ACTR3B: variants seen among roughly 807,000 people sequenced by gnomAD.
ACTR3B encodes the protein actin related protein 3B, also known as actin-related protein 3B.
A neutral mutation model predicts 59.0 loss-of-function variants in ACTR3B; 8 were observed. The observed-to-expected ratio is 0.14, with a 90% CI of 0.08 to 0.24. The LOEUF is 0.24. Ranked by LOEUF, ACTR3B falls within the 10% of genes least tolerant of loss-of-function variation. ACTR3B has a pLI of 1.00. For synonymous variants in ACTR3B, 148 were observed against 197.9 expected (o/e 0.75, Z 2.12); for missense variants, 245 against 552.3 (o/e 0.44, Z 5.58).
chr7:152,812,033 T>TC (rs1459126987), intron 4 of ACTR3B: 12 of 53,446 alleles, frequency 2.2e-4, no homozygotes, highest in African/African-American at 6.1e-4. Flanking sequence ...TTTTTTTTTT[T>TC]TTTTTTTTTT....
At chr7:152,799,810 T>C (rs1469452924) in intron 2 of ACTR3B, among the ~76,000 whole-genome samples, 5 of 152,230 alleles carry the variant, frequency 3.3e-5, no homozygotes, top group African/African-American at 1.2e-4. Flanking sequence ...GAAATTTCAA[T>C]GGAAAATGGA....
chr7:152,783,547 G>T, intron 2 of ACTR3B, among the ~76,000 whole-genome samples: 1 of 151,352 alleles, frequency 6.6e-6, no homozygotes, highest in Non-Finnish European at 1.5e-5. Context: ...CATACAGTCT[G>T]TTAGCTTAGT....
chr7:152,787,203 T>G (rs2689466), intron 2 of ACTR3B, among the ~76,000 whole-genome samples: 1 of 152,194 alleles, frequency 6.6e-6, no homozygotes, highest in Non-Finnish European at 1.5e-5. Flanking sequence ...TTGTGTGACT[T>G]ACATTTTGGT....
intron 3 of ACTR3B, among the ~76,000 whole-genome samples, chr7:152,801,005 A>G (rs1399554484): frequency 2.0e-5 from 3 of 151,822 alleles, no homozygotes; most frequent in African/African-American, 7.3e-5. Context: ...ATTTAAGCAG[A>G]CTTTTTTTTT....
chr7:152,820,207 C>T lies in ACTR3B; in HGVS notation c.541-92C>T, dbSNP rs1796035771. On this transcript the variant is annotated intron_variant, in intron 6 of 11. Coordinates refer to ENST00000256001, the MANE Select transcript of ACTR3B (RefSeq NM_020445.6). ...GCTTGTCAGTGCCATGAGGGGCAGA[C>T]AGGGAGGCTGAGGCAGGAAACCTTG... 3 of 1,561,816 alleles carry T rather than the reference C, an allele frequency of 1.9e-6. No individual in the cohort carries two copies. The South Asian group carries it at 3.7e-5, about 19-fold the overall frequency.
At chr7:152,839,183 G>A (rs1176394845) in intron 9 of ACTR3B, among the ~76,000 whole-genome samples, 2 of 147,078 alleles carry the variant, frequency 1.4e-5, no homozygotes, top group Non-Finnish European at 1.5e-5. Flanking sequence ...ATACAAGGTG[G>A]GGTCCGAATT....
chr7:152,849,583 C>A (rs1195217925), intron 9 of ACTR3B, among the ~76,000 whole-genome samples: 1 of 152,190 alleles, frequency 6.6e-6, no homozygotes, highest in Non-Finnish European at 1.5e-5. Flanking sequence ...ACTCTTGGGC[C>A]ACACATAAAA....
chr7:152,831,772 G>A (rs969350360), intron 9 of ACTR3B, among the ~76,000 whole-genome samples: 2 of 152,306 alleles, frequency 1.3e-5, no homozygotes, highest in African/African-American at 4.8e-5. Flanking sequence ...TGGACCTCAT[G>A]TTTGAACATG....
At position 152,855,183 on chromosome 7, in the gene ACTR3B, T is replaced by C. The variant is rs955202355; in HGVS notation, c.*630T>C. On this transcript the variant is annotated 3_prime_UTR_variant, in exon 12 of 12. Transcript: ENST00000256001. ...TGTTTGCTAGAAAATGATTATACTT[T>C]ATTGGAGTGACATGAAGTTTGAACA... 7 of 152,714 alleles carry C rather than the reference T, an allele frequency of 4.6e-5. No homozygotes were observed. Among genetic ancestry groups the C allele is most frequent in the African/African-American group, 1.7e-4 (7 of 41,460 alleles). 9.5% of individuals were successfully genotyped at this position (152,714 alleles called of 1,614,324 possible).
At chr7:152,795,479 G>C (rs565831045) in intron 2 of ACTR3B, among the ~76,000 whole-genome samples, 1 of 152,250 alleles carries the variant, frequency 6.6e-6, no homozygotes, top group African/African-American at 2.4e-5. Context: ...TAAATTTCTA[G>C]CTAGCTTAAT....
At chr7:152,804,932 G>A (rs1362743358) in intron 4 of ACTR3B, among the ~76,000 whole-genome samples, 1 of 152,032 alleles carries the variant, frequency 6.6e-6, no homozygotes, top group Non-Finnish European at 1.5e-5. Context: ...AGGAGCCCGG[G>A]CAGACATTGT....
intron 5 of ACTR3B, among the ~76,000 whole-genome samples, chr7:152,815,819 G>A (rs1305809742): frequency 8.5e-5 from 13 of 152,170 alleles, no homozygotes; most frequent in African/African-American, 1.4e-4. Context: ...AACTCCACAA[G>A]TGACCTCATT....
intron 4 of ACTR3B, chr7:152,812,612 T>C (rs939574869): frequency 7.3e-6 from 1 of 137,862 alleles, no homozygotes; most frequent in Non-Finnish European, 1.6e-5. Context: ...TAATGTGTGG[T>C]TATCAGATCA....
chr7:152,824,656 A>G lies in ACTR3B; in HGVS notation c.859-374A>G, dbSNP rs1231987325. Among the ~76,000 whole-genome samples the G allele has an allele frequency of 6.6e-5, 10 of 152,196 alleles. No individual in the cohort carries two copies. On this transcript the variant is annotated intron_variant, in intron 8 of 11. Transcript: ENST00000256001. The surrounding 1 kb of genome is among the most constrained non-coding windows in gnomAD (Gnocchi z 4.2). ...TTCCTTATATACTAATTTTCTCATA[A>G]TACGAATATTGTCAAATGATATGTC...
intron 2 of ACTR3B, among the ~76,000 whole-genome samples, chr7:152,788,592 T>C (rs1036012867): frequency 7.9e-5 from 12 of 151,962 alleles, no homozygotes; most frequent in Non-Finnish European, 1.8e-4. Flanking sequence ...TTTGTATTTT[T>C]AGTAGGGACG....
At chr7:152,783,834 A>G (rs1478340995) in intron 2 of ACTR3B, among the ~76,000 whole-genome samples, 3 of 151,980 alleles carry the variant, frequency 2.0e-5, no homozygotes, top group Non-Finnish European at 2.9e-5. Context: ...TCACGCATGT[A>G]ATCGCAGCAC....
chr7:152,779,383 A>G (rs995536644), intron 1 of ACTR3B, among the ~76,000 whole-genome samples: 119 of 152,232 alleles, frequency 7.8e-4, no homozygotes, highest in Non-Finnish European at 1.2e-3. Context: ...AAGCCATGCT[A>G]CAACTGGAAA....
intron 6 of ACTR3B, among the ~76,000 whole-genome samples, chr7:152,819,653 A>G (rs1795995106): frequency 6.6e-6 from 1 of 152,062 alleles, no homozygotes; most frequent in Non-Finnish European, 1.5e-5. Context: ...ACATGCCTTC[A>G]CTGGCTTAGG....
intron 9 of ACTR3B, among the ~76,000 whole-genome samples, chr7:152,829,704 C>T (rs1431832998): frequency 6.6e-6 from 1 of 152,086 alleles, no homozygotes; most frequent in African/African-American, 2.4e-5. Flanking sequence ...CTGGGTGGAG[C>T]CTGGACACCT....
Sources: allele counts gnomAD v4.1 joint callset (sites outside exome capture counted in the v4.1 genomes callset), GRCh38; gene constraint gnomAD v4.1.1; non-coding constraint Gnocchi (gnomAD v3.1); transcripts MANE v1.5; gene names NCBI Gene and HGNC (gene_info 2026-07-23, HGNC 2026-07-21).